The following ENTREP1 variants were observed in gnomAD, a reference collection of about 807,000 sequenced individuals.
ENTREP1 encodes endosomal transmembrane epsin interactor 1, also known as Friedreich ataxia region gene X123.
the ENTREP1 span, among the ~76,000 whole-genome samples, chr9:69,340,013 G>T: frequency 6.6e-6 from 1 of 152,078 alleles, no homozygotes; most frequent in Non-Finnish European, 1.5e-5. Flanking sequence ...CTCTCTTTCT[G>T]TAGGGCCAAT....
At chr9:69,357,939 TA>T in the ENTREP1 span, among the ~76,000 whole-genome samples, 7 of 152,314 alleles carry the variant, frequency 4.6e-5, no homozygotes, top group African/African-American at 1.7e-4. Flanking sequence ...CATAAAATGT[TA>T]AGAGTTAAAT....
At chr9:69,345,046 T>C in the ENTREP1 span, among the ~76,000 whole-genome samples, 1 of 152,222 alleles carries the variant, frequency 6.6e-6, no homozygotes, top group African/African-American at 2.4e-5. Context: ...TCAAACTAAA[T>C]AGATTCATTT....
chr9:69,357,960 C>T, the ENTREP1 span, among the ~76,000 whole-genome samples: 13 of 152,104 alleles, frequency 8.5e-5, no homozygotes, highest in African/African-American at 2.9e-4. Context: ...TAAGTGGTTA[C>T]GTTAACTGTC....
the ENTREP1 span, among the ~76,000 whole-genome samples, chr9:69,364,388 G>A: frequency 1.8e-5 from 1 of 54,966 alleles, no homozygotes; most frequent in Non-Finnish European, 4.0e-5. Flanking sequence ...CCCCTGCAAT[G>A]ATTTTTTTTT....
chr9:69,373,591 G>T, the ENTREP1 span, among the ~76,000 whole-genome samples: 46 of 152,178 alleles, frequency 3.0e-4, no homozygotes, highest in South Asian at 9.3e-3. Flanking sequence ...CTTTTACCAA[G>T]TTAGTTCCTT....
the ENTREP1 span, among the ~76,000 whole-genome samples, chr9:69,373,339 C>T: frequency 6.6e-6 from 1 of 152,130 alleles, no homozygotes; most frequent in Non-Finnish European, 1.5e-5. Flanking sequence ...AGGGGTTGCT[C>T]TTCTCTTCTC....
At chr9:69,325,260 T>C in the ENTREP1 span, 4 of 1,014,852 alleles carry the variant, frequency 3.9e-6, no homozygotes, top group East Asian at 5.4e-5. Flanking sequence ...CTCCGCGTCC[T>C]CTGCCCGCCG....
At chr9:69,385,763 CTTTTTTTTTTT>C in the ENTREP1 span, 99 of 1,243,848 alleles carry the variant, frequency 8.0e-5, no homozygotes, top group Non-Finnish European at 9.3e-5. Flanking sequence ...TGTTTCGCCT[CTTTTTTTTTTT>C]TTTTTTTTTT....
At chr9:69,357,010 T>A in the ENTREP1 span, among the ~76,000 whole-genome samples, 27 of 146,014 alleles carry the variant, frequency 1.8e-4, no homozygotes, top group Admixed American at 1.9e-3. Flanking sequence ...GCAACCCCAG[T>A]GCTTTGGGAG....
the ENTREP1 span, among the ~76,000 whole-genome samples, chr9:69,345,241 G>A: frequency 6.6e-6 from 1 of 152,132 alleles, no homozygotes; most frequent in African/African-American, 2.4e-5. Context: ...TCTCAACGGT[G>A]ATACCAAAGA....
At chr9:69,374,867 C>T in the ENTREP1 span, among the ~76,000 whole-genome samples, 6 of 151,988 alleles carry the variant, frequency 3.9e-5, no homozygotes, top group African/African-American at 1.5e-4. Flanking sequence ...AAATATTGGG[C>T]AGAGATGGGA....
At chr9:69,356,821 G>A in the ENTREP1 span, among the ~76,000 whole-genome samples, 1 of 152,236 alleles carries the variant, frequency 6.6e-6, no homozygotes, top group East Asian at 1.9e-4. Flanking sequence ...TTGTGACTCT[G>A]TCCTGGTCTT....
chr9:69,337,605 C>A, the ENTREP1 span, among the ~76,000 whole-genome samples: 1 of 151,986 alleles, frequency 6.6e-6, no homozygotes, highest in South Asian at 2.1e-4. Context: ...TTTGCTATGT[C>A]ATTTTGATTC....
chr9:69,354,073 T>G, the ENTREP1 span, among the ~76,000 whole-genome samples: 1 of 151,998 alleles, frequency 6.6e-6, no homozygotes. Flanking sequence ...CTTAAATATT[T>G]TAGTATATAT....
the ENTREP1 span, among the ~76,000 whole-genome samples, chr9:69,331,100 C>T: frequency 6.6e-5 from 10 of 152,226 alleles, no homozygotes; most frequent in Non-Finnish European, 1.0e-4. Flanking sequence ...CACATACACA[C>T]ACATTTTTTA....
chr9:69,377,766 G>C, the ENTREP1 span: 1 of 1,599,418 alleles, frequency 6.3e-7, no homozygotes, highest in Non-Finnish European at 8.5e-7. Flanking sequence ...GAGTTCCCCT[G>C]CAGTCTGAGT....
the ENTREP1 span, chr9:69,383,887 G>C: frequency 6.4e-7 from 1 of 1,565,150 alleles, no homozygotes; most frequent in Non-Finnish European, 8.8e-7. Flanking sequence ...GAGTTCACTG[G>C]GTCTAATGAG....
the ENTREP1 span, among the ~76,000 whole-genome samples, chr9:69,372,125 G>C: frequency 6.6e-6 from 1 of 152,146 alleles, no homozygotes; most frequent in Admixed American, 6.5e-5. Context: ...TTGGATTTCA[G>C]CATTGTGAGT....
chr9:69,345,597 C>T, the ENTREP1 span, among the ~76,000 whole-genome samples: 29 of 152,122 alleles, frequency 1.9e-4, no homozygotes, highest in Non-Finnish European at 3.7e-4. Context: ...CCTTCTTACT[C>T]TTTTTTAAAA....
Sources: allele counts gnomAD v4.1 joint callset (sites outside exome capture counted in the v4.1 genomes callset), GRCh38; gene constraint gnomAD v4.1.1; transcripts MANE v1.5; gene names NCBI Gene and HGNC (gene_info 2026-07-23, HGNC 2026-07-21).